The following RAI14 variants were observed in gnomAD, a reference collection of about 807,000 sequenced individuals.
The protein encoded by RAI14 is ankycorbin.
A neutral mutation model predicts 115.4 loss-of-function variants in RAI14; 45 were observed. The ratio of observed to expected loss-of-function variants is 0.39; its 90% CI spans 0.31 to 0.50. RAI14 has a LOEUF of 0.50. Ranked by LOEUF, RAI14 falls within the 20% of genes least tolerant of loss-of-function variation. The pLI is 0.85. For missense variants in RAI14, 939 were observed against 1,131.2 expected (o/e 0.83, Z 2.44); for synonymous variants, 371 against 415.4 (o/e 0.89, Z 1.30).
chr5:34,814,701 G>T lies in RAI14; in HGVS notation c.939+32G>T, dbSNP rs185506205. On this transcript the variant is annotated intron_variant, in intron 12 of 17. Transcript: ENST00000265109. ...CCTTTCTGTATTCAGTTTTGTTACT[G>T]TATTTTAAGATACATGATAGACTTG... 93 of 1,495,640 alleles carry T rather than the reference G, an allele frequency of 6.2e-5. 1 individual carries two copies. In the Middle Eastern group the frequency reaches 1.5e-3, roughly 25 times the overall value. The allele number at this position is 1,495,640 out of a possible 1,614,324, so 92.6% of individuals were successfully genotyped here.
At position 34,702,187 on chromosome 5, in the gene RAI14, T is replaced by C. The variant is rs140838769; in HGVS notation, c.36+15232T>C. Among the ~76,000 whole-genome samples, 537 of 152,282 alleles carry C rather than the reference T, an allele frequency of 3.5e-3. 5 individuals are homozygous for C. The highest frequency in any genetic ancestry group is 0.012 in the African/African-American group (503 of 41,538). ...TACACATTTGTGAGTCATTTATCCATAGTTTGTCAGAAAGACTCTAGACAA... is the reference window on the plus strand; with the variant it reads ...TACACATTTGTGAGTCATTTATCCACAGTTTGTCAGAAAGACTCTAGACAA... On this transcript the variant is annotated intron_variant, in intron 2 of 17. Transcript: ENST00000265109.
At chr5:34,830,581 G>A in intron 17 of RAI14, 107 bp from the exon 18 acceptor site, 1 of 1,538,682 alleles carries the variant, frequency 6.5e-7, no homozygotes, top group South Asian at 1.2e-5. Flanking sequence ...GAAAGATGTG[G>A]GAATTAGCCC....
intron 3 of RAI14, among the ~76,000 whole-genome samples, chr5:34,779,708 C>T (rs1048209111): frequency 3.3e-5 from 5 of 152,014 alleles, no homozygotes; most frequent in Non-Finnish European, 5.9e-5. Context: ...CACTACTCAA[C>T]GAAATAAAAG....
chr5:34,736,305 C>G (rs547169370), intron 2 of RAI14, among the ~76,000 whole-genome samples: 30 of 152,208 alleles, frequency 2.0e-4, no homozygotes, highest in African/African-American at 6.5e-4. Flanking sequence ...GGAGCTGAGG[C>G]AGGAGAATAG....
chr5:34,730,392 G>A (rs1236736219), intron 2 of RAI14, among the ~76,000 whole-genome samples: 1 of 152,062 alleles, frequency 6.6e-6, no homozygotes, highest in Non-Finnish European at 1.5e-5. Context: ...CAATTTATTG[G>A]CCAGGCATGG....
intron 2 of RAI14, among the ~76,000 whole-genome samples, chr5:34,714,788 G>A (rs1447254600): frequency 1.3e-5 from 2 of 152,058 alleles, no homozygotes; most frequent in East Asian, 1.9e-4. Context: ...GAACTTGTTG[G>A]TCTGCTGATT....
intron 3 of RAI14, among the ~76,000 whole-genome samples, chr5:34,786,331 G>C (rs1055378128): frequency 6.6e-6 from 1 of 152,172 alleles, no homozygotes; most frequent in Non-Finnish European, 1.5e-5. Flanking sequence ...GGTGCTGCTC[G>C]AACAGTCACT....
intron 3 of RAI14, among the ~76,000 whole-genome samples, chr5:34,785,810 G>A (rs1450201554): frequency 6.6e-6 from 1 of 152,186 alleles, no homozygotes; most frequent in Non-Finnish European, 1.5e-5. Flanking sequence ...ACAATCAGGA[G>A]CTGTACTATA....
intron 1 of RAI14, chr5:34,667,290 T>G (rs1743288799): frequency 6.6e-6 from 1 of 152,086 alleles, no homozygotes; most frequent in South Asian, 2.1e-4. Context: ...TAGGCTGGAG[T>G]GCAGTGGTGC....
Position 34,826,340 on chromosome 5 carries a change from T to C in RAI14, c.2660T>C (p.Met887Thr). The part of the protein sequence containing the change: ...EEDKDKKINE[M>T]SKEVTKLKEA... ...TTCCTTTGCCCCTAGATAAATGAGA[T>C]GTCGAAGGAAGTCACCAAATTGAAG... Residue 887 changes from methionine to threonine, a missense_variant, in exon 16 of 18, where the codon ATG (methionine) becomes ACG (threonine). Transcript: ENST00000265109. The C allele has an allele frequency of 6.2e-7, 1 of 1,613,722 alleles. No homozygotes were observed. Among genetic ancestry groups the C allele is most frequent in the Non-Finnish European group, 8.5e-7 (1 of 1,179,784 alleles).
At chr5:34,667,437 T>C (rs1386087680) in intron 1 of RAI14, 1 of 152,190 alleles carries the variant, frequency 6.6e-6, no homozygotes, top group Admixed American at 6.5e-5. Context: ...GGTTTCATCA[T>C]GTTACCCGGG....
At chr5:34,696,561 C>T (rs572213516) in intron 2 of RAI14, among the ~76,000 whole-genome samples, 81 of 152,296 alleles carry the variant, frequency 5.3e-4, no homozygotes, top group Admixed American at 1.0e-3. Context: ...TTGCTGGCAG[C>T]CTCGAAACCA....
Position 34,831,538 on chromosome 5 carries a change from CTG to C in RAI14, c.*779_*780del, listed in dbSNP as rs1190533138. On this transcript the variant is annotated 3_prime_UTR_variant, in exon 18 of 18. Transcript: ENST00000265109. ...TTGTGTTTCAACAAGGGACAGTAAA[CTG>C]TGTGTTTACAGCCAAAAGAAATGCC... The C allele has an allele frequency of 2.6e-5, 4 of 152,558 alleles. No homozygotes were observed. The highest frequency in any genetic ancestry group is 2.1e-4 in the South Asian group (1 of 4,834). 9.5% of individuals were successfully genotyped at this position (152,558 alleles called of 1,614,324 possible). A position where few individuals can be genotyped will look rare whatever the true frequency, so the allele number is the denominator to read the frequency against.
chr5:34,661,718 T>A (rs1742699783), intron 1 of RAI14, among the ~76,000 whole-genome samples: 1 of 152,196 alleles, frequency 6.6e-6, no homozygotes, highest in Non-Finnish European at 1.5e-5. Flanking sequence ...ATAACCTGGT[T>A]TCCAATGCGA....
rs555916614 is a variant in RAI14, at chr5:34,703,356, A to T, written c.36+16401A>T. ...CATAAAAAAGACCTAAAAATTAGAA[A>T]CCACTTAAGTAAAAATTTGTTGAGT... On this transcript the variant is annotated intron_variant, in intron 2 of 17. Transcript: ENST00000265109. Among the ~76,000 whole-genome samples the T allele has an allele frequency of 3.9e-5, 6 of 152,338 alleles. No individual in the cohort carries two copies. The South Asian group carries it at 1.0e-3, about 26-fold the overall frequency.
At chr5:34,794,439 C>T (rs1321368954) in intron 3 of RAI14, among the ~76,000 whole-genome samples, 2 of 151,412 alleles carry the variant, frequency 1.3e-5, no homozygotes, top group Admixed American at 6.6e-5. Flanking sequence ...TATTCAAAAA[C>T]AAAAAAAAGT....
At chr5:34,749,750 A>G (rs1329753130) in intron 2 of RAI14, among the ~76,000 whole-genome samples, 1 of 152,220 alleles carries the variant, frequency 6.6e-6, no homozygotes, top group Non-Finnish European at 1.5e-5. Context: ...GCCGCCCTTC[A>G]TAGCTGACAC....
chr5:34,768,325 A>C (rs1215619021), intron 3 of RAI14, among the ~76,000 whole-genome samples: 1 of 152,180 alleles, frequency 6.6e-6, no homozygotes, highest in Non-Finnish European at 1.5e-5. Flanking sequence ...TTATTAGGAA[A>C]GATTGGGCTC....
intron 1 of RAI14, among the ~76,000 whole-genome samples, chr5:34,662,194 G>T (rs1742744497): frequency 6.6e-6 from 1 of 152,142 alleles, no homozygotes; most frequent in African/African-American, 2.4e-5. Flanking sequence ...TTTTTTTGGA[G>T]GGGGAGGAGG....
Sources: gnomAD v4.1 joint callset for allele counts (sites outside exome capture counted in the v4.1 genomes callset) on GRCh38, gnomAD v4.1.1 for gene constraint, MANE v1.5 for transcripts, NCBI Gene and HGNC (gene_info 2026-07-23, HGNC 2026-07-21) for gene names.